The following STUM variants were observed in gnomAD, a reference collection of about 807,000 sequenced individuals.
STUM encodes the protein stum, mechanosensory transduction mediator homolog.
A neutral mutation model predicts 15.3 loss-of-function variants in STUM; 8 were observed. That is an observed-to-expected ratio of 0.52 (90% confidence interval 0.31 to 0.94). The LOEUF is 0.94. Among genes scored for constraint, STUM ranks in the 40% least tolerant of loss-of-function variants. The pLI, the probability that STUM is intolerant of heterozygous loss-of-function variation, is 0.05. For missense variants in STUM, 142 were observed against 204.9 expected (o/e 0.69, Z 1.87); for synonymous variants, 78 against 88.7 (o/e 0.88, Z 0.68).
chr1:226,591,159 TG>T (rs1289574243), intron 1 of STUM, among the ~76,000 whole-genome samples: 7 of 152,384 alleles, frequency 4.6e-5, no homozygotes, highest in Admixed American at 6.5e-5. Flanking sequence ...AATTTACTGC[TG>T]AAGAGATTAA....
chr1:226,554,938 C>A (rs886567713), intron 1 of STUM, among the ~76,000 whole-genome samples: 1 of 152,178 alleles, frequency 6.6e-6, no homozygotes, highest in East Asian at 1.9e-4. Context: ...ACTTACACTG[C>A]ACTTGTCAGG....
In STUM at chr1:226,572,139, G is replaced by A. The variant is rs1050248307; in HGVS notation, c.202+23033G>A. Among the ~76,000 whole-genome samples the A allele has an allele frequency of 6.6e-5, 10 of 152,264 alleles. No homozygotes were observed. The East Asian group carries it at 1.9e-3, about 29-fold the overall frequency. ...AGGGCATGATGATGATACCGGCTGC[G>A]GTGAGAACCTGCCACCCTTGTCATC... On this transcript the variant is annotated intron_variant, in intron 1 of 3. Transcript: ENST00000366788.
chr1:226,568,504 C>T (rs1308043482), intron 1 of STUM, among the ~76,000 whole-genome samples: 1 of 152,202 alleles, frequency 6.6e-6, no homozygotes, highest in African/African-American at 2.4e-5. Flanking sequence ...CTGCCTGCAG[C>T]GCAGCTCCAG....
chr1:226,582,026 T>G (rs1172317046), intron 1 of STUM, among the ~76,000 whole-genome samples: 1 of 152,194 alleles, frequency 6.6e-6, no homozygotes, highest in Admixed American at 6.5e-5. Flanking sequence ...GCCCTCCTCT[T>G]CCAGCTCTCC....
At chr1:226,558,469 G>T (rs1016265079) in intron 1 of STUM, among the ~76,000 whole-genome samples, 2 of 152,222 alleles carry the variant, frequency 1.3e-5, no homozygotes, top group South Asian at 4.2e-4. Context: ...ATTCCCACTG[G>T]GCACCCAACC....
chr1:226,572,875 C>A (rs781463315), intron 1 of STUM, among the ~76,000 whole-genome samples: 8 of 152,208 alleles, frequency 5.3e-5, no homozygotes, highest in African/African-American at 9.7e-5. Context: ...GTCCAAGCCT[C>A]TCATTTTACA....
intron 1 of STUM, among the ~76,000 whole-genome samples, chr1:226,573,904 A>G (rs1667762491): frequency 6.6e-6 from 1 of 150,580 alleles, no homozygotes; most frequent in Non-Finnish European, 1.5e-5. Flanking sequence ...GTGTGATCTC[A>G]GCTCACTGCA....
At chr1:226,596,717 A>C in intron 1 of STUM, 85 bp from the exon 2 acceptor site, 2 of 1,250,474 alleles carry the variant, frequency 1.6e-6, no homozygotes, top group Non-Finnish European at 2.3e-6. Flanking sequence ...GAGGGTGGAC[A>C]GCTGGGCCCC....
chr1:226,566,074 C>T (rs1413318285), intron 1 of STUM, among the ~76,000 whole-genome samples: 3 of 152,198 alleles, frequency 2.0e-5, no homozygotes, highest in Non-Finnish European at 2.9e-5. Context: ...TCTTCTGTTC[C>T]TCTTCCCTTG....
rs150920803 is a variant in STUM at position 226,550,941 on chromosome 1, T to C, written c.202+1835T>C. Among the ~76,000 whole-genome samples the C allele has an allele frequency of 2.0e-3, 306 of 151,996 alleles. 2 individuals carry two copies. The highest frequency in any genetic ancestry group is 7.0e-3 in the African/African-American group (290 of 41,434). On this transcript the variant is annotated intron_variant, in intron 1 of 3. Coordinates refer to ENST00000366788, the MANE Select transcript of STUM (RefSeq NM_001003665.4). ...ATGGGATTTTTGTGAAACAAACAAA[T>C]AAACAAACAAACAAAACAAACCATT... is the stretch of plus-strand genomic sequence containing the variant.
chr1:226,595,836 C>T (rs1419659773), intron 1 of STUM, among the ~76,000 whole-genome samples: 2 of 152,162 alleles, frequency 1.3e-5, no homozygotes, highest in Non-Finnish European at 2.9e-5. Flanking sequence ...TAGATTTTCC[C>T]CTGGAGCCTC....
At chr1:226,574,937 C>T (rs571292576) in intron 1 of STUM, among the ~76,000 whole-genome samples, 22 of 152,314 alleles carry the variant, frequency 1.4e-4, no homozygotes, top group East Asian at 1.4e-3. Context: ...ACAAGCAAAC[C>T]GCAGGTGTGG....
intron 1 of STUM, among the ~76,000 whole-genome samples, chr1:226,553,223 A>G (rs1259619193): frequency 6.6e-6 from 1 of 152,228 alleles, no homozygotes; most frequent in Non-Finnish European, 1.5e-5. Context: ...GTTACTTTTC[A>G]TTAGAGTGGA....
At chr1:226,594,947 C>A (rs570854575) in intron 1 of STUM, among the ~76,000 whole-genome samples, 1 of 152,234 alleles carries the variant, frequency 6.6e-6, no homozygotes, top group Non-Finnish European at 1.5e-5. Flanking sequence ...TGAGCCACTG[C>A]GCCGAGCCCT....
chr1:226,592,346 G>A (rs1244027685), intron 1 of STUM, among the ~76,000 whole-genome samples: 1 of 152,112 alleles, frequency 6.6e-6, no homozygotes, highest in Non-Finnish European at 1.5e-5. Flanking sequence ...ACCACGCCCA[G>A]CCTTTTTCCT....
intron 1 of STUM, among the ~76,000 whole-genome samples, chr1:226,564,448 A>C (rs1008344885): frequency 6.6e-6 from 1 of 152,120 alleles, no homozygotes; most frequent in African/African-American, 2.4e-5. Flanking sequence ...ATGGGAGCGG[A>C]CTGCCACCAA....
chr1:226,575,563 G>A (rs1461637997), intron 1 of STUM, among the ~76,000 whole-genome samples: 3 of 152,228 alleles, frequency 2.0e-5, no homozygotes, highest in Non-Finnish European at 4.4e-5. Context: ...GTGGCTAAGT[G>A]GCAGTGGGAC....
At position 226,583,616 on chromosome 1, in the gene STUM, C is replaced by G. The variant is rs930104284; in HGVS notation, c.203-13186C>G. On this transcript the variant is annotated intron_variant, in intron 1 of 3. Transcript: ENST00000366788. ...TAGAAAGGTCCTCAGGGAGCTCCTC[C>G]TCACAGGCCTCTTCCTTTTTCTCTT... 3.1e-4 allele frequency among the ~76,000 whole-genome samples: 47 copies of G among 152,154 alleles called. 1 individual carries two copies. Among genetic ancestry groups the G allele is most frequent in the African/African-American group, 1.1e-3 (44 of 41,424 alleles).
At position 226,552,714 on chromosome 1, in the gene STUM, A is replaced by G. The variant is rs931986299; in HGVS notation, c.202+3608A>G. ...GCTGCTAAAGTCTTGCTTGCTCAAT[A>G]AAAGCACCACAGGCTGGCTCTGCTT... is the stretch of plus-strand genomic sequence containing the variant. On this transcript the variant is annotated intron_variant, in intron 1 of 3. Coordinates refer to ENST00000366788, the MANE Select transcript of STUM (RefSeq NM_001003665.4). This position sits in a 1 kb window ranked among gnomAD's most constrained non-coding sequence, Gnocchi z 4.7. Among the ~76,000 whole-genome samples, 2 of 152,152 alleles carry G rather than the reference A, an allele frequency of 1.3e-5. No homozygotes were observed. Among genetic ancestry groups the G allele is most frequent in the African/African-American group, 4.8e-5 (2 of 41,426 alleles).
Sources: gnomAD v4.1 joint callset for allele counts (sites outside exome capture counted in the v4.1 genomes callset) on GRCh38, gnomAD v4.1.1 for gene constraint, Gnocchi (gnomAD v3.1) non-coding constraint, MANE v1.5 for transcripts, NCBI Gene and HGNC (gene_info 2026-07-23, HGNC 2026-07-21) for gene names.